TAFA4: variants seen among roughly 807,000 people sequenced by gnomAD.
TAFA4 encodes the protein TAFA chemokine like family member 4, also known as chemokine-like protein TAFA-4.
A neutral mutation model predicts 21.1 loss-of-function variants in TAFA4; 20 were observed. The ratio of observed to expected loss-of-function variants is 0.95; its 90% CI spans 0.67 to 1.38. TAFA4 has a LOEUF of 1.38. TAFA4 is among the 40% of genes most tolerant of loss of function. TAFA4 has a pLI of 0.00. For missense variants in TAFA4, 211 were observed against 180.9 expected (o/e 1.17, Z -0.95); for synonymous variants, 71 against 67.4 (o/e 1.05, Z -0.26).
intron 5 of TAFA4, among the ~76,000 whole-genome samples, chr3:68,736,452 T>A (rs1186235671): frequency 6.6e-6 from 1 of 152,166 alleles, no homozygotes; most frequent in Non-Finnish European, 1.5e-5. Context: ...AAGCTATTAA[T>A]ATTCAAGTTA....
chr3:68,919,941 T>A (rs188398262), intron 1 of TAFA4, among the ~76,000 whole-genome samples: 14 of 152,318 alleles, frequency 9.2e-5, no homozygotes, highest in Admixed American at 8.5e-4. Context: ...GCAATTACAC[T>A]TCTACCCTAG....
rs147759028 is a variant in TAFA4 at position 68,830,863 on chromosome 3, T to C, written c.130+49867A>G. 9.3e-4 allele frequency among the ~76,000 whole-genome samples: 142 copies of C among 152,368 alleles called. 1 individual carries two copies. The highest frequency in any genetic ancestry group is 1.8e-3 in the Admixed American group (27 of 15,300). ...TCTCTAAGGACTTGCTTTATGAATC[T>C]GGGTGTTCCTGTATTGGGTGCATAT... On this transcript the variant is annotated intron_variant, in intron 3 of 5. Transcript: ENST00000295569.
chr3:68,816,375 C>G (rs888838170), intron 3 of TAFA4, among the ~76,000 whole-genome samples: 3 of 152,036 alleles, frequency 2.0e-5, no homozygotes, highest in African/African-American at 7.2e-5. Context: ...ATTTATTTGC[C>G]ACTTCTTCAA....
intron 3 of TAFA4, among the ~76,000 whole-genome samples, chr3:68,824,497 G>C (rs372599297): frequency 6.6e-6 from 1 of 152,070 alleles, no homozygotes; most frequent in African/African-American, 2.4e-5. Context: ...TCATGTAAAA[G>C]GACCTTGGTG....
At chr3:68,926,380 A>G (rs1480792709) in intron 1 of TAFA4, among the ~76,000 whole-genome samples, 1 of 152,144 alleles carries the variant, frequency 6.6e-6, no homozygotes, top group East Asian at 1.9e-4. Flanking sequence ...TTTTTCTGCA[A>G]TGTTTGAATT....
intron 3 of TAFA4, among the ~76,000 whole-genome samples, chr3:68,843,995 C>T (rs1225631357): frequency 6.6e-6 from 1 of 152,148 alleles, no homozygotes; most frequent in Non-Finnish European, 1.5e-5. Context: ...TGTTGTGTCT[C>T]TGCCAGGTTT....
At chr3:68,733,753 A>G (rs536960754) in intron 5 of TAFA4, among the ~76,000 whole-genome samples, 31 of 152,324 alleles carry the variant, frequency 2.0e-4, no homozygotes, top group African/African-American at 7.5e-4. Flanking sequence ...AAAAAAAAGC[A>G]TAAGACTTTA....
chr3:68,733,191 A>G (rs1443893935), intron 5 of TAFA4, 38 bp from the exon 6 acceptor site: 1 of 1,606,916 alleles, frequency 6.2e-7, no homozygotes, highest in Admixed American at 1.7e-5. Context: ...TCAACACTCT[A>G]TACCCACCGA....
intron 3 of TAFA4, among the ~76,000 whole-genome samples, chr3:68,867,967 C>T (rs899569448): frequency 6.6e-6 from 1 of 151,952 alleles, no homozygotes; most frequent in Non-Finnish European, 1.5e-5. Flanking sequence ...CAGAAAATAA[C>T]AATATGACAG....
At chr3:68,789,613 C>T in intron 3 of TAFA4, among the ~76,000 whole-genome samples, 1 of 152,036 alleles carries the variant, frequency 6.6e-6, no homozygotes, top group Non-Finnish European at 1.5e-5. Context: ...TTATTTTTCC[C>T]CATAGAATTC....
At chr3:68,803,161 G>A (rs1466138487) in intron 3 of TAFA4, among the ~76,000 whole-genome samples, 1 of 151,958 alleles carries the variant, frequency 6.6e-6, no homozygotes, top group Admixed American at 6.6e-5. Flanking sequence ...GTAGTTACCA[G>A]GCTTCAGTAA....
intron 3 of TAFA4, among the ~76,000 whole-genome samples, chr3:68,782,731 G>A (rs1703175480): frequency 6.6e-6 from 1 of 152,120 alleles, no homozygotes; most frequent in Admixed American, 6.5e-5. Flanking sequence ...TGATCGCCAG[G>A]GCTAAGGAGA....
chr3:68,784,759 A>G (rs1394421064), intron 3 of TAFA4, among the ~76,000 whole-genome samples: 1 of 152,230 alleles, frequency 6.6e-6, no homozygotes, highest in East Asian at 1.9e-4. Context: ...CCCCACCCAC[A>G]TCCTGCTGAT....
intron 3 of TAFA4, among the ~76,000 whole-genome samples, chr3:68,840,561 G>T (rs1217117379): frequency 6.6e-6 from 1 of 152,076 alleles, no homozygotes; most frequent in Non-Finnish European, 1.5e-5. Context: ...GTCTCCCTGA[G>T]AAATACTTAA....
At chr3:68,796,313 A>T (rs1703453050) in intron 3 of TAFA4, among the ~76,000 whole-genome samples, 1 of 152,210 alleles carries the variant, frequency 6.6e-6, no homozygotes, top group Non-Finnish European at 1.5e-5. Context: ...GAAATTATAC[A>T]CTACTACAGT....
chr3:68,860,316 T>C (rs976128357), intron 3 of TAFA4, among the ~76,000 whole-genome samples: 5 of 152,184 alleles, frequency 3.3e-5, no homozygotes, highest in African/African-American at 1.2e-4. Context: ...AAGTGCACTA[T>C]TGTCACTCTT....
chr3:68,766,899 T>A (rs1702864864), intron 3 of TAFA4, among the ~76,000 whole-genome samples: 1 of 152,094 alleles, frequency 6.6e-6, no homozygotes, highest in East Asian at 1.9e-4. Context: ...TAAAACAATT[T>A]TATTATACTT....
chr3:68,752,599 G>T (rs1217955914), intron 4 of TAFA4, among the ~76,000 whole-genome samples: 1 of 152,204 alleles, frequency 6.6e-6, no homozygotes, highest in African/African-American at 2.4e-5. Flanking sequence ...GAGATTTGGA[G>T]ACAGGTGGGT....
intron 3 of TAFA4, among the ~76,000 whole-genome samples, chr3:68,773,309 T>G (rs757202545): frequency 2.6e-5 from 4 of 152,172 alleles, no homozygotes; most frequent in African/African-American, 9.7e-5. Flanking sequence ...AAGATACACA[T>G]CAGGCAAGGT....
Sources: allele counts gnomAD v4.1 joint callset (sites outside exome capture counted in the v4.1 genomes callset), GRCh38; gene constraint gnomAD v4.1.1; transcripts MANE v1.5; gene names NCBI Gene and HGNC (gene_info 2026-07-23, HGNC 2026-07-21).